BICRA: variants seen among roughly 807,000 people sequenced by gnomAD.
BICRA encodes BRD4 interacting chromatin remodeling complex associated protein.
Under a neutral mutation model 96.9 loss-of-function variants are expected in BICRA, and 31 were observed. The observed-to-expected ratio is 0.32, with a 90% CI of 0.24 to 0.43. The LOEUF (loss-of-function observed/expected upper bound fraction) is 0.43, where lower values mean the gene tolerates loss of function less well. BICRA is among the 20% of genes least tolerant of loss of function. BICRA has a pLI of 1.00. For missense variants in BICRA, 2,283 were observed against 2,190.3 expected, an observed-to-expected ratio of 1.04 and a Z score of -0.84; for synonymous variants, 1,350 against 1,071.8, an observed-to-expected ratio of 1.26 and a Z score of -5.07.
intron 1 of BICRA, among the ~76,000 whole-genome samples, chr19:47,628,175 A>G (rs1301045802): frequency 1.3e-5 from 2 of 152,140 alleles, no homozygotes; most frequent in Non-Finnish European, 1.5e-5. Flanking sequence ...TGTTGTTGCT[A>G]TTATTATTAC....
At chr19:47,633,076 A>C (rs370129600) in intron 1 of BICRA, among the ~76,000 whole-genome samples, 34 of 93,118 alleles carry the variant, frequency 3.7e-4, no homozygotes, top group East Asian at 6.8e-4. Context: ...ATTTGATTTT[A>C]TTTCTTTTTT....
At chr19:47,683,627 C>T (rs529378373) in intron 7 of BICRA, among the ~76,000 whole-genome samples, 1 of 151,958 alleles carries the variant, frequency 6.6e-6, no homozygotes, top group African/African-American at 2.4e-5. Context: ...CTCTGTTGCC[C>T]AGGCTGGAGT....
chr19:47,680,822 A>G lies in BICRA; in HGVS notation c.1652A>G (p.Gln551Arg). The G allele has an allele frequency of 6.2e-7, 1 of 1,603,578 alleles. No individual in the cohort carries two copies. Among genetic ancestry groups the G allele is most frequent in the Non-Finnish European group, 8.5e-7 (1 of 1,177,836 alleles). ...TCCGCCGCTCCCATCCAGGTGGGCCAGCCTGCGCTCTTCCAGATGCCCGTG... is the reference window on the plus strand; with the variant it reads ...TCCGCCGCTCCCATCCAGGTGGGCCGGCCTGCGCTCTTCCAGATGCCCGTG... ...ILSAAPIQVGQPALFQMPVSL... is the reference protein window; with the variant it reads ...ILSAAPIQVGRPALFQMPVSL... The change falls in exon 6 of 15, where the codon CAG (glutamine) becomes CGG (arginine). Residue 551 changes from glutamine to arginine, a missense_variant. Gln to Arg is a conservative substitution (Grantham distance 43). Coordinates refer to ENST00000594866, the MANE Select transcript of BICRA (RefSeq NM_001394372.1).
intron 9 of BICRA, 34 bp downstream of exon 9, chr19:47,695,114 C>T (rs753926101): frequency 2.0e-5 from 28 of 1,406,354 alleles, no homozygotes; most frequent in Middle Eastern, 2.5e-4. Flanking sequence ...CCCAGGGAGA[C>T]GGGGCCTGAA....
Position 47,698,454 on chromosome 19 carries a change from A to G in BICRA, c.3249-180A>G, listed in dbSNP as rs554324585. Among the ~76,000 whole-genome samples the G allele has an allele frequency of 6.6e-6, 1 of 152,294 alleles. No homozygotes were observed. The highest frequency in any genetic ancestry group is 1.9e-4 in the East Asian group (1 of 5,180). ...CGATAGCACTGCTTTGGTCGGCCCC[A>G]GGGACTCAGTGAGATGGAACAAGCA... On this transcript the variant is annotated intron_variant, in intron 11 of 14. Transcript: ENST00000594866. The surrounding 1 kb of genome is among the most constrained non-coding windows in gnomAD (Gnocchi z 4.8).
Position 47,698,613 on chromosome 19 carries a change from C to G in BICRA, c.3249-21C>G, listed in dbSNP as rs1398228780. The G allele has an allele frequency of 1.5e-5, 10 of 677,488 alleles. No homozygotes were observed. The highest frequency in any genetic ancestry group is 2.5e-5 in the Non-Finnish European group (10 of 393,050). The allele number at this position is 677,488 out of a possible 1,614,324, so 42.0% of individuals were successfully genotyped here. A position where few individuals can be genotyped will look rare whatever the true frequency, so the allele number is the denominator to read the frequency against. ...CCCCCCACCCTCCGCCGTGTGTGGT[C>G]TCTCCCCTTTCCACCCGCAGTTTCC... On this transcript the variant is annotated intron_variant, in intron 11 of 14. Transcript: ENST00000594866. The surrounding 1 kb of genome is among the most constrained non-coding windows in gnomAD (Gnocchi z 4.8).
At chr19:47,654,354 T>G (rs929583075) in intron 1 of BICRA, among the ~76,000 whole-genome samples, 1 of 152,128 alleles carries the variant, frequency 6.6e-6, no homozygotes, top group African/African-American at 2.4e-5. Flanking sequence ...ACTATTCCCC[T>G]GTTTAGAGAA....
At position 47,685,741 on chromosome 19, in the gene BICRA, CTGTGTGTGTGTGTG is replaced by C. The variant is rs3074109; in HGVS notation, c.2283+3622_2283+3635del. 4.8e-4 allele frequency among the ~76,000 whole-genome samples: 56 copies of C among 115,552 alleles called. No homozygotes were observed. In the South Asian group the frequency reaches 4.9e-3, roughly 10 times the overall value. The allele number at this position is 115,552 out of a possible 152,430, so 75.8% of individuals were successfully genotyped here. On this transcript the variant is annotated intron_variant, in intron 7 of 14. Transcript: ENST00000594866. ...TGTACCCAGATGGATTTGGCAGCCT[CTGTGTGTGTGTGTG>C]TGTGTGTGTGTGTGTGTGTGTGTGT...
At chr19:47,625,819 A>G (rs1972131327) in intron 1 of BICRA, among the ~76,000 whole-genome samples, 1 of 151,916 alleles carries the variant, frequency 6.6e-6, no homozygotes, top group South Asian at 2.1e-4. Context: ...GGATGGGCTG[A>G]GAGACACAGG....
At chr19:47,657,420 G>A (rs192996476) in intron 1 of BICRA, among the ~76,000 whole-genome samples, 199 of 149,236 alleles carry the variant, frequency 1.3e-3, no homozygotes, top group African/African-American at 4.5e-3. Context: ...TTTTTGAGAC[G>A]GAGTCTTGCT....
chr19:47,694,472 C>A lies in BICRA; in HGVS notation c.2641C>A (p.Pro881Thr). ...GPLPPAPHLPPSSTSSAVASS... is the reference protein window; with the variant it reads ...GPLPPAPHLPTSSTSSAVASS... ...GCTGCCCCCAGCCCCCCACCTCCCTCCATCCTCCACCTCCTCTGCTGTGGC... is the reference window on the plus strand; with the variant it reads ...GCTGCCCCCAGCCCCCCACCTCCCTACATCCTCCACCTCCTCTGCTGTGGC... Residue 881 changes from proline to threonine, a missense_variant, in exon 8 of 15, where the codon CCA (proline) becomes ACA (threonine). By Grantham distance (38) the Pro-to-Thr change is conservative (BLOSUM62 -1). Coordinates refer to ENST00000594866, the MANE Select transcript of BICRA (RefSeq NM_001394372.1). 2 of 1,332,088 alleles carry A rather than the reference C, an allele frequency of 1.5e-6. No individual in the cohort carries two copies. Among genetic ancestry groups the A allele is most frequent in the Non-Finnish European group, 2.1e-6 (2 of 931,092 alleles). The allele number at this position is 1,332,088 out of a possible 1,614,324, so 82.5% of individuals were successfully genotyped here. A position where few individuals can be genotyped will look rare whatever the true frequency, so the allele number is the denominator to read the frequency against.
At chr19:47,652,276 C>G (rs930114118) in intron 1 of BICRA, among the ~76,000 whole-genome samples, 2 of 152,084 alleles carry the variant, frequency 1.3e-5, no homozygotes, top group Non-Finnish European at 2.9e-5. Context: ...GCCTCGACCT[C>G]CCAGGCTCAA....
chr19:47,646,420 C>T lies in BICRA; in HGVS notation c.-107-24023C>T, dbSNP rs116546635. On this transcript the variant is annotated intron_variant, in intron 1 of 14. Coordinates refer to ENST00000594866, the MANE Select transcript of BICRA (RefSeq NM_001394372.1). ...ATCAAGTCCAAGGGATCAGCTCAGC[C>T]CGACACACATGCACACAGACACACG... Among the ~76,000 whole-genome samples the T allele has an allele frequency of 1.9e-3, 253 of 133,176 alleles. 1 individual carries two copies. The highest frequency in any genetic ancestry group is 7.1e-3 in the African/African-American group (238 of 33,552). 87.4% of individuals were successfully genotyped at this position (133,176 alleles called of 152,430 possible).
intron 1 of BICRA, among the ~76,000 whole-genome samples, chr19:47,634,412 T>G (rs1429306697): frequency 6.6e-6 from 1 of 152,148 alleles, no homozygotes; most frequent in Non-Finnish European, 1.5e-5. Context: ...GGCCGAGCCT[T>G]GAAAGTGGCC....
chr19:47,689,532 C>G (rs1599860066), intron 7 of BICRA, among the ~76,000 whole-genome samples: 1 of 152,148 alleles, frequency 6.6e-6, no homozygotes, highest in Non-Finnish European at 1.5e-5. Flanking sequence ...CTGCCTCAGC[C>G]TCCGGAGTAG....
chr19:47,665,190 C>A lies in BICRA; in HGVS notation c.-107-5253C>A, dbSNP rs534068808. On this transcript the variant is annotated intron_variant, in intron 1 of 14. Transcript: ENST00000594866. ...CTCTGCCCTTTTGCTGTCCTCAGCA[C>A]CCCCCACCAGACACACAGTAGGTGC... 9.4e-4 allele frequency among the ~76,000 whole-genome samples: 143 copies of A among 152,250 alleles called. 1 individual carries two copies. The highest frequency in any genetic ancestry group is 3.4e-3 in the Middle Eastern group (1 of 294).
intron 1 of BICRA, among the ~76,000 whole-genome samples, chr19:47,653,712 A>C (rs908332722): frequency 2.0e-5 from 3 of 152,140 alleles, no homozygotes; most frequent in Non-Finnish European, 4.4e-5. Context: ...ATGGCGGAGT[A>C]ATAGTCTGTG....
chr19:47,641,060 T>C (rs943044851), intron 1 of BICRA, among the ~76,000 whole-genome samples: 2 of 146,464 alleles, frequency 1.4e-5, no homozygotes, highest in Non-Finnish European at 3.0e-5. Flanking sequence ...ACCACCACCA[T>C]GCCTGGCTAA....
At chr19:47,664,702 C>T (rs1349651198) in intron 1 of BICRA, among the ~76,000 whole-genome samples, 1 of 152,208 alleles carries the variant, frequency 6.6e-6, no homozygotes, top group African/African-American at 2.4e-5. Flanking sequence ...GACGAGTGGG[C>T]CCGGGTCGCA....
Sources: gnomAD v4.1 joint callset for allele counts (sites outside exome capture counted in the v4.1 genomes callset) on GRCh38, gnomAD v4.1.1 for gene constraint, Gnocchi (gnomAD v3.1) non-coding constraint, MANE v1.5 for transcripts, NCBI Gene and HGNC (gene_info 2026-07-23, HGNC 2026-07-21) for gene names.